Variants in DNASE1 observed in about 807,000 individuals in gnomAD.
The protein encoded by DNASE1 is deoxyribonuclease-1.
In DNASE1, 40 loss-of-function variants were observed where a neutral mutation model predicts 33.9. That is an observed-to-expected ratio of 1.18 (90% confidence interval 0.92 to 1.54). DNASE1 has a LOEUF of 1.54. Ranked by LOEUF, DNASE1 falls within the 40% of genes most tolerant of loss-of-function variation. The pLI is 0.00. For missense variants in DNASE1, 518 were observed against 372.6 expected (o/e 1.39, Z -3.21); for synonymous variants, 216 against 160.0 (o/e 1.35, Z -2.64).
exon 10 of DNASE1, chr16:3,664,693 G>A: frequency 1.9e-6 from 1 of 523,732 alleles, no homozygotes; most frequent in South Asian, 2.5e-5. Context: ...AGGTGGCCCA[G>A]GGGCTCTCCA....
intron 1 of DNASE1, among the ~76,000 whole-genome samples, chr16:3,620,413 G>A (rs2041265879): frequency 1.3e-5 from 2 of 151,806 alleles, no homozygotes. Flanking sequence ...CACCCAGGCT[G>A]GAGTGCAGCG....
At chr16:3,625,903 C>T (rs1286574433) in intron 1 of DNASE1, among the ~76,000 whole-genome samples, 1 of 152,186 alleles carries the variant, frequency 6.6e-6, no homozygotes. Context: ...AGTTTGAGAT[C>T]AGACTGAGCA....
chr16:3,657,434 A>C (rs2042747207), intron 7 of DNASE1, 93 bp downstream of exon 7: 2 of 1,507,846 alleles, frequency 1.3e-6, no homozygotes, highest in Non-Finnish European at 1.8e-6. Flanking sequence ...AAAGCCTTTG[A>C]ACACTCACCC....
chr16:3,629,972 C>G (rs977354095), intron 1 of DNASE1, among the ~76,000 whole-genome samples: 2 of 152,120 alleles, frequency 1.3e-5, no homozygotes, highest in Admixed American at 6.6e-5. Flanking sequence ...CGCCACCATG[C>G]GCGGCTAATT....
exon 10 of DNASE1, chr16:3,664,073 A>G: frequency 3.5e-6 from 2 of 576,534 alleles, no homozygotes; most frequent in Non-Finnish European, 5.7e-6. Flanking sequence ...AAAAAAACAA[A>G]AAACAAACAA....
At chr16:3,617,130 C>T (rs1336523365) in intron 1 of DNASE1, among the ~76,000 whole-genome samples, 1 of 151,716 alleles carries the variant, frequency 6.6e-6, no homozygotes, top group African/African-American at 2.4e-5. Flanking sequence ...AGTTTGAGAC[C>T]AGCCTGACCA....
upstream of DNASE1, among the ~76,000 whole-genome samples, chr16:3,641,737 G>T (rs147836049): frequency 4.8e-3 from 727 of 152,266 alleles, 5 homozygotes; most frequent in African/African-American, 0.017. Context: ...AAGTCCCCAG[G>T]GGAGCTTGGG....
chr16:3,664,452 A>G lies in DNASE1; in HGVS notation c.*6499A>G, dbSNP rs1374384333. On this transcript the variant is annotated 3_prime_UTR_variant, in exon 10 of 10. Coordinates refer to the DNASE1 transcript ENST00000407479. ...GGACTCGTAGCGCAGCAGCTTTGCT[A>G]TGTCCTCCTAGAAGGGACGGGGCAG... 1.4e-5 allele frequency: 23 copies of G among 1,609,914 alleles called. No homozygotes were observed. The Admixed American group carries it at 2.7e-4, about 19-fold the overall frequency.
At chr16:3,656,538 C>A in intron 4 of DNASE1, 100 bp from the exon 5 acceptor site, 2 of 911,088 alleles carry the variant, frequency 2.2e-6, no homozygotes, top group Non-Finnish European at 1.7e-6. Flanking sequence ...CTGGCTCCCC[C>A]GCCCTCCTGT....
intron 1 of DNASE1, among the ~76,000 whole-genome samples, chr16:3,627,795 G>A (rs1002124130): frequency 6.6e-6 from 1 of 152,084 alleles, no homozygotes; most frequent in Non-Finnish European, 1.5e-5. Context: ...GTACCACATT[G>A]TTGTGATTAC....
chr16:3,642,062 G>A (rs1445902506), upstream of DNASE1, among the ~76,000 whole-genome samples: 1 of 152,202 alleles, frequency 6.6e-6, no homozygotes, highest in Non-Finnish European at 1.5e-5. Flanking sequence ...CCCCAGGACT[G>A]TGGACTAGTG....
At chr16:3,630,439 C>A (rs554847635) in intron 1 of DNASE1, among the ~76,000 whole-genome samples, 37 of 152,284 alleles carry the variant, frequency 2.4e-4, no homozygotes, top group African/African-American at 8.2e-4. Context: ...ACCTCAGTCT[C>A]CCAAAGTCTG....
chr16:3,656,664 G>A lies in DNASE1; in HGVS notation c.347G>A (p.Ser116Asn), dbSNP rs1327942834. 2 of 1,613,052 alleles carry A rather than the reference G, an allele frequency of 1.2e-6. No individual in the cohort carries two copies. Among genetic ancestry groups the A allele is most frequent in the Admixed American group, 3.3e-5 (2 of 59,964 alleles). The change falls in exon 5 of 9, where the codon AGC (serine) becomes AAC (asparagine). Residue 116 changes from serine (S) to asparagine (N), a missense_variant. Transcript: ENST00000246949. ...CCTGACCAGGTGTCTGCGGTGGACAGCTACTACTACGATGATGGCTGCGAG... is the reference window on the plus strand; with the variant it reads ...CCTGACCAGGTGTCTGCGGTGGACAACTACTACTACGATGATGGCTGCGAG... ...YRPDQVSAVD[S>N]YYYDDGCEPC... is the part of the protein sequence containing the mutation.
chr16:3,635,532 C>T (rs1427478142), intron 1 of DNASE1, among the ~76,000 whole-genome samples: 1 of 151,008 alleles, frequency 6.6e-6, no homozygotes, highest in Non-Finnish European at 1.5e-5. Flanking sequence ...TAATGCTCTT[C>T]CTTTATAGGT....
intron 1 of DNASE1, among the ~76,000 whole-genome samples, chr16:3,612,991 A>C (rs925794523): frequency 3.9e-5 from 6 of 152,192 alleles, no homozygotes; most frequent in Non-Finnish European, 7.3e-5. Context: ...TGTTTTTTAA[A>C]AGATACAGTA....
downstream of DNASE1, chr16:3,662,887 C>T (rs763787167): frequency 6.8e-6 from 11 of 1,613,600 alleles, no homozygotes; most frequent in Admixed American, 6.7e-5. Context: ...CTCACCTTCA[C>T]GTTGGTGACA....
intron 1 of DNASE1, among the ~76,000 whole-genome samples, chr16:3,635,318 C>T (rs1251170940): frequency 4.6e-5 from 7 of 151,672 alleles, no homozygotes; most frequent in South Asian, 4.2e-4. Context: ...ATTAGCTGTG[C>T]GTGGTGGCGT....
downstream of DNASE1, chr16:3,662,306 C>G (rs1191035421): frequency 6.5e-6 from 5 of 766,996 alleles, no homozygotes; most frequent in Non-Finnish European, 8.2e-6. Flanking sequence ...GGGCCCTGAG[C>G]TGATGCCCCA....
intron 1 of DNASE1, among the ~76,000 whole-genome samples, chr16:3,647,599 A>G (rs977166202): frequency 6.6e-6 from 1 of 152,184 alleles, no homozygotes; most frequent in Non-Finnish European, 1.5e-5. Context: ...ATTCAAAACT[A>G]GTATTACACA....
Sources: allele counts gnomAD v4.1 joint callset (sites outside exome capture counted in the v4.1 genomes callset), GRCh38; gene constraint gnomAD v4.1.1; transcripts MANE v1.5; gene names NCBI Gene and HGNC (gene_info 2026-07-23, HGNC 2026-07-21).